The following MSRB3 variants were observed in gnomAD, a reference collection of about 807,000 sequenced individuals.
The protein encoded by MSRB3 is methionine sulfoxide reductase B3.
MSRB3 carries 13 observed loss-of-function variants against 21.0 expected under a neutral mutation model. The observed-to-expected ratio is 0.62, with a 90% confidence interval of 0.40 to 0.98. The LOEUF (loss-of-function observed/expected upper bound fraction) is 0.98. Ranked by LOEUF, MSRB3 falls within the 50% of genes least tolerant of loss-of-function variation. The pLI is 0.00. For missense variants in MSRB3, 199 were observed against 230.3 expected (o/e 0.86, Z 0.88); for synonymous variants, 87 against 88.6 (o/e 0.98, Z 0.10).
intron 1 of MSRB3, chr12:65,284,743 T>G (rs1872240203): frequency 6.6e-6 from 1 of 152,220 alleles, no homozygotes; most frequent in Non-Finnish European, 1.5e-5. Context: ...GATCTGACTT[T>G]AAAAGATGCC....
intron 1 of MSRB3, chr12:65,307,129 T>C (rs1277190738): frequency 4.0e-6 from 3 of 743,092 alleles, no homozygotes; most frequent in African/African-American, 1.9e-5. Context: ...CTTTGATCTT[T>C]TATTAGTCAG....
chr12:65,403,825 G>A (rs968110898), intron 5 of MSRB3, among the ~76,000 whole-genome samples: 3 of 152,104 alleles, frequency 2.0e-5, no homozygotes, highest in South Asian at 2.1e-4. Context: ...TCCTCATGGC[G>A]CAGTCCCTCA....
At chr12:65,396,691 CAAA>C (rs747120558) in intron 5 of MSRB3, among the ~76,000 whole-genome samples, 18 of 23,194 alleles carry the variant, frequency 7.8e-4, no homozygotes, top group African/African-American at 2.0e-3. Flanking sequence ...AACTCCATCT[CAAA>C]AAAAAAAAAA....
At chr12:65,444,381 A>T (rs1338400359) in intron 5 of MSRB3, among the ~76,000 whole-genome samples, 1 of 152,178 alleles carries the variant, frequency 6.6e-6, no homozygotes, top group Non-Finnish European at 1.5e-5. Context: ...AATCAAAAAG[A>T]TTCTTGTAGT....
chr12:65,436,950 T>C (rs1052812482), intron 5 of MSRB3, among the ~76,000 whole-genome samples: 1 of 151,958 alleles, frequency 6.6e-6, no homozygotes, highest in African/African-American at 2.4e-5. Context: ...CCAGTTTCTT[T>C]ACCTGTAAAA....
intron 2 of MSRB3, among the ~76,000 whole-genome samples, chr12:65,319,207 C>T (rs1874505218): frequency 6.6e-6 from 1 of 152,118 alleles, no homozygotes; most frequent in Non-Finnish European, 1.5e-5. Flanking sequence ...CCCAATTTCT[C>T]CCTTTTCAAA....
In MSRB3 at chr12:65,327,866, G is replaced by A. The variant is rs1046869273; in HGVS notation, c.186-660G>A. ...TCTCAGCTTGCGAGGATTTCTATCCGTTCTGTTGTGTACATGACTAGCAAA... is the reference window on the plus strand; with the variant it reads ...TCTCAGCTTGCGAGGATTTCTATCCATTCTGTTGTGTACATGACTAGCAAA... On this transcript the variant is annotated intron_variant, in intron 3 of 6. Coordinates refer to ENST00000308259, the MANE Select transcript of MSRB3 (RefSeq NM_001031679.3). 5.9e-5 allele frequency among the ~76,000 whole-genome samples: 9 copies of A among 152,274 alleles called. No individual in the cohort carries two copies. The South Asian group carries it at 1.0e-3, about 18-fold the overall frequency.
chr12:65,387,833 G>T (rs553209020), intron 5 of MSRB3, among the ~76,000 whole-genome samples: 54 of 151,628 alleles, frequency 3.6e-4, no homozygotes, highest in Admixed American at 7.9e-4. Flanking sequence ...TTCCCAGTTG[G>T]TTGCTTGATT....
In MSRB3 at chr12:65,387,657, C is replaced by T. The variant is rs113143639; in HGVS notation, c.292+18631C>T. Among the ~76,000 whole-genome samples, 1,349 of 152,226 alleles carry T rather than the reference C, an allele frequency of 8.9e-3. 9 individuals carry two copies. The highest frequency in any genetic ancestry group is 0.014 in the Non-Finnish European group (965 of 68,000). On this transcript the variant is annotated intron_variant, in intron 5 of 6. Transcript: ENST00000308259. Reference sequence around the variant, plus strand: ...TGTAACTTGGGGCATATAATATAAACTCTCTGAGCTTCAATTTCCTCATTT... The same window carrying T: ...TGTAACTTGGGGCATATAATATAAATTCTCTGAGCTTCAATTTCCTCATTT...
intron 5 of MSRB3, among the ~76,000 whole-genome samples, chr12:65,441,876 G>A (rs1292547735): frequency 6.6e-6 from 1 of 151,944 alleles, no homozygotes; most frequent in Non-Finnish European, 1.5e-5. Flanking sequence ...CTTCAATTTT[G>A]CCATGTATCT....
At chr12:65,318,036 C>T (rs1874413760) in intron 2 of MSRB3, among the ~76,000 whole-genome samples, 1 of 151,906 alleles carries the variant, frequency 6.6e-6, no homozygotes, top group African/African-American at 2.4e-5. Context: ...TAATGTCTTC[C>T]CGTGTCAGGG....
At chr12:65,345,942 A>G (rs564378906) in intron 4 of MSRB3, among the ~76,000 whole-genome samples, 127 of 152,232 alleles carry the variant, frequency 8.3e-4, no homozygotes, top group Non-Finnish European at 1.1e-3. Context: ...ATGGTATTCC[A>G]TGGTGTATAT....
chr12:65,296,944 A>G (rs1454400742), intron 1 of MSRB3, among the ~76,000 whole-genome samples: 2 of 152,262 alleles, frequency 1.3e-5, no homozygotes, highest in African/African-American at 4.8e-5. Flanking sequence ...TAAATGTATC[A>G]TAAATATAAA....
chr12:65,349,949 A>G (rs1876821948), intron 4 of MSRB3, among the ~76,000 whole-genome samples: 1 of 152,026 alleles, frequency 6.6e-6, no homozygotes, highest in South Asian at 2.1e-4. Flanking sequence ...TTTTGTTGCC[A>G]TTGCTTTTGG....
At position 65,326,756 on chromosome 12, in the gene MSRB3, G is replaced by A. The variant is rs190857990; in HGVS notation, c.77-70G>A. 5.5e-5 allele frequency: 64 copies of A among 1,168,162 alleles called. No individual in the cohort carries two copies. The Admixed American group carries it at 8.0e-4, about 15-fold the overall frequency. The allele number at this position is 1,168,162 out of a possible 1,614,324, so 72.4% of individuals were successfully genotyped here. A position where few individuals can be genotyped will look rare whatever the true frequency, so the allele number is the denominator to read the frequency against. On this transcript the variant is annotated intron_variant, in intron 2 of 6. Transcript: ENST00000308259. ...GTGACTGCAGAAGCTGTGCTGTGGC[G>A]GTCAGCCAAAGCAATTATTTAGGAT...
chr12:65,329,986 A>G (rs1875304289), intron 4 of MSRB3, among the ~76,000 whole-genome samples: 1 of 152,230 alleles, frequency 6.6e-6, no homozygotes, highest in Non-Finnish European at 1.5e-5. Context: ...CTCCGTATAT[A>G]ATGTTTCAAC....
At chr12:65,308,366 G>C (rs1193454413) in intron 1 of MSRB3, among the ~76,000 whole-genome samples, 163 bp from the exon 2 acceptor site, 2 of 152,196 alleles carry the variant, frequency 1.3e-5, no homozygotes, top group Non-Finnish European at 2.9e-5. Flanking sequence ...AAGCTAGATT[G>C]AAAGTAAGCT....
chr12:65,347,466 C>G (rs1305147422), intron 4 of MSRB3, among the ~76,000 whole-genome samples: 1 of 152,174 alleles, frequency 6.6e-6, no homozygotes, highest in Non-Finnish European at 1.5e-5. Flanking sequence ...AGTTGCCTAT[C>G]AGCTTAAGGA....
intron 2 of MSRB3, among the ~76,000 whole-genome samples, chr12:65,313,591 AC>A (rs1246253044): frequency 6.6e-6 from 1 of 151,950 alleles, no homozygotes; most frequent in Admixed American, 6.6e-5. Flanking sequence ...CATATTCAGG[AC>A]CTCTGTTCTA....
Sources: allele counts gnomAD v4.1 joint callset (sites outside exome capture counted in the v4.1 genomes callset), GRCh38; gene constraint gnomAD v4.1.1; transcripts MANE v1.5; gene names NCBI Gene and HGNC (gene_info 2026-07-23, HGNC 2026-07-21).